NIBAN2: variants seen among roughly 807,000 people sequenced by gnomAD.
The protein encoded by NIBAN2 is protein Niban 2.
In NIBAN2, 36 loss-of-function variants were observed where a neutral mutation model predicts 81.8. That is an observed-to-expected ratio of 0.44 (90% CI 0.34 to 0.58). The LOEUF (loss-of-function observed/expected upper bound fraction) is 0.58, where lower values mean the gene tolerates loss of function less well. Ranked by LOEUF, NIBAN2 falls within the 20% of genes least tolerant of loss-of-function variation. The pLI is 0.02. For missense variants in NIBAN2, 897 were observed against 1,014.1 expected (o/e 0.88, Z 1.57); for synonymous variants, 445 against 441.6 (o/e 1.01, Z -0.10).
chr9:127,507,304 G>C lies in NIBAN2; in HGVS notation c.1782C>G (p.Ser594Arg). ...TGGGGCTGCCGCCCCCGCCGCTGTT[G>C]CTGTACTCCTCGCCCCAGTCGATGG... ...GAPIDWGEEY[S>R]NSGGGGSPSP... The change falls in exon 14 of 14, where the codon AGC becomes AGG. Residue 594 changes from serine (S) to arginine (R), a missense_variant. By Grantham distance (110) the Ser-to-Arg change is moderately radical. Around this residue, in one of 3 missense-constraint regions of NIBAN2, gnomAD observed 619 missense variants for 691.0 expected, o/e 0.90. Transcript: ENST00000373312. The surrounding 1 kb of genome is among the most constrained non-coding windows in gnomAD (Gnocchi z 6.8). The C allele has an allele frequency of 1.3e-6, 2 of 1,592,280 alleles. No individual in the cohort carries two copies. Among genetic ancestry groups the C allele is most frequent in the Non-Finnish European group, 1.7e-6 (2 of 1,165,658 alleles).
chr9:127,510,397 GC>G (rs1836714434), intron 8 of NIBAN2, 64 bp from the exon 9 acceptor site: 2 of 1,293,082 alleles, frequency 1.5e-6, no homozygotes, highest in Admixed American at 2.3e-5. Context: ...CCATCCCAGA[GC>G]CCAGGTGCTG....
rs376815001 is a variant in NIBAN2, at chr9:127,517,962, G to A, written c.590-21C>T. ...GATTCCTGCCCAGGAGACGGAGGGA[G>A]AGAGGAGGTCAGCAGATGGCCCAGT... is the stretch of plus-strand genomic sequence containing the variant. On this transcript the variant is annotated intron_variant, in intron 5 of 13. Transcript: ENST00000373312. The surrounding 1 kb of genome is among the most constrained non-coding windows in gnomAD (Gnocchi z 4.0). The A allele has an allele frequency of 3.2e-6, 5 of 1,542,266 alleles. No homozygotes were observed. The South Asian group carries it at 4.8e-5, about 15-fold the overall frequency.
At chr9:127,535,786 G>A (rs1837265206) in intron 1 of NIBAN2, among the ~76,000 whole-genome samples, 1 of 151,908 alleles carries the variant, frequency 6.6e-6, no homozygotes, top group Non-Finnish European at 1.5e-5. Context: ...GTCTCCTTTT[G>A]CTCACCACTG....
intron 1 of NIBAN2, among the ~76,000 whole-genome samples, chr9:127,555,335 T>C (rs1408177929): frequency 3.9e-5 from 6 of 152,208 alleles, no homozygotes; most frequent in African/African-American, 1.2e-4. Context: ...ATTTCCTGCC[T>C]AGCCTTTAGA....
At chr9:127,515,232 G>A (rs902794891) in intron 8 of NIBAN2, among the ~76,000 whole-genome samples, 1 of 151,676 alleles carries the variant, frequency 6.6e-6, no homozygotes, top group African/African-American at 2.4e-5. Context: ...TAAAAAACAG[G>A]CCGGGCGGCC....
At chr9:127,565,447 T>C (rs1038515979) in intron 1 of NIBAN2, among the ~76,000 whole-genome samples, 2 of 152,172 alleles carry the variant, frequency 1.3e-5, no homozygotes, top group Non-Finnish European at 2.9e-5. Context: ...ACCGCTGAAG[T>C]GTACACTTTA....
chr9:127,531,818 G>A (rs760482984), intron 1 of NIBAN2, 40 bp from the exon 2 acceptor site: 1 of 1,611,896 alleles, frequency 6.2e-7, no homozygotes, highest in South Asian at 1.1e-5. Context: ...GGTCCTCAGG[G>A]ATGCTGATGC....
chr9:127,528,885 G>GGACGGGC (rs1439194564), intron 2 of NIBAN2, among the ~76,000 whole-genome samples: 2 of 152,210 alleles, frequency 1.3e-5, no homozygotes, highest in Non-Finnish European at 2.9e-5. Flanking sequence ...CGGGACACAA[G>GGACGGGC]GACGGGCACT....
At chr9:127,561,572 G>C (rs1044935547) in intron 1 of NIBAN2, among the ~76,000 whole-genome samples, 13 of 152,180 alleles carry the variant, frequency 8.5e-5, no homozygotes, top group Admixed American at 4.6e-4. Flanking sequence ...CAGTGGCAGA[G>C]CCAGGACTCA....
chr9:127,562,436 C>T (rs2132235735), intron 1 of NIBAN2, among the ~76,000 whole-genome samples: 1 of 152,340 alleles, frequency 6.6e-6, no homozygotes, highest in Middle Eastern at 3.4e-3. Flanking sequence ...TTACAGTTAT[C>T]ACTCCGAGCC....
At chr9:127,512,550 G>A (rs191825655) in intron 8 of NIBAN2, among the ~76,000 whole-genome samples, 11 of 152,302 alleles carry the variant, frequency 7.2e-5, no homozygotes, top group Middle Eastern at 3.4e-3. Context: ...GCCTCCCAGA[G>A]TGCTGGGATT....
intron 2 of NIBAN2, among the ~76,000 whole-genome samples, chr9:127,529,107 G>A (rs958046427): frequency 1.3e-5 from 2 of 152,218 alleles, no homozygotes; most frequent in African/African-American, 2.4e-5. Context: ...AACAGAACTC[G>A]ACAGCCCAGG....
rs1416898135 is a variant in NIBAN2, at chr9:127,559,782, C to A, written c.55+9038G>T. Among the ~76,000 whole-genome samples, 1 of 152,204 alleles carries A rather than the reference C, an allele frequency of 6.6e-6. No homozygotes were observed. The highest frequency in any genetic ancestry group is 1.5e-5 in the Non-Finnish European group (1 of 68,038). ...CCCTGCACGTGGACCCTCTACCCAG[C>A]ACCCTGACCCACACCCGGCACTTCT... On this transcript the variant is annotated intron_variant, in intron 1 of 13. Transcript: ENST00000373312. The surrounding 1 kb of genome is among the most constrained non-coding windows in gnomAD (Gnocchi z 4.0).
chr9:127,527,362 G>C, intron 2 of NIBAN2, 40 bp from the exon 3 acceptor site: 2 of 1,589,536 alleles, frequency 1.3e-6, no homozygotes, highest in Non-Finnish European at 1.7e-6. Flanking sequence ...CCCAGGTCTG[G>C]GGGGGTGGTG....
intron 1 of NIBAN2, among the ~76,000 whole-genome samples, chr9:127,538,458 C>T (rs1463547896): frequency 6.6e-6 from 1 of 152,092 alleles, no homozygotes; most frequent in Non-Finnish European, 1.5e-5. Flanking sequence ...TGTCACATGG[C>T]TATTTAGAAA....
At chr9:127,577,416 C>G (rs1013124907) in intron 1 of NIBAN2, among the ~76,000 whole-genome samples, 3 of 146,266 alleles carry the variant, frequency 2.1e-5, no homozygotes, top group Non-Finnish European at 4.5e-5. Context: ...GATCCAATAC[C>G]CCACACTTCC....
chr9:127,510,073 G>A (rs1370126669), intron 9 of NIBAN2, 73 bp downstream of exon 9: 24 of 1,413,526 alleles, frequency 1.7e-5, no homozygotes, highest in East Asian at 2.4e-5. Context: ...CCGGAGTCAC[G>A]CAGCCGGGGC....
intron 1 of NIBAN2, among the ~76,000 whole-genome samples, chr9:127,560,612 T>C (rs980065585): frequency 1.4e-4 from 22 of 152,146 alleles, no homozygotes; most frequent in African/African-American, 5.3e-4. Context: ...TTTGGGAACA[T>C]TGCTTGCCCT....
chr9:127,531,897 C>A, intron 1 of NIBAN2, 119 bp from the exon 2 acceptor site: 1 of 1,386,216 alleles, frequency 7.2e-7, no homozygotes, highest in Non-Finnish European at 9.9e-7. Flanking sequence ...ATTGTTTGCA[C>A]AGGCTCCTCG....
Sources: gnomAD v4.1 joint callset for allele counts (sites outside exome capture counted in the v4.1 genomes callset) on GRCh38, gnomAD v4.1.1 for gene constraint, gnomAD v4.1.1 regional missense constraint, Gnocchi (gnomAD v3.1) non-coding constraint, MANE v1.5 for transcripts, NCBI Gene and HGNC (gene_info 2026-07-23, HGNC 2026-07-21) for gene names.